SDK1: variants seen among roughly 807,000 people sequenced by gnomAD.
SDK1 encodes protein sidekick-1.
SDK1 carries 157 observed loss-of-function variants against 245.5 expected under a neutral mutation model. That is an observed-to-expected ratio of 0.64 (90% confidence interval 0.56 to 0.73). The LOEUF is 0.73. Among genes scored for constraint, SDK1 ranks in the 30% least tolerant of loss-of-function variants. The probability of loss-of-function intolerance (pLI) is 0.00; values close to 1 mark genes in which losing one functional copy is unlikely to be tolerated. For synonymous variants in SDK1, 1,647 were observed against 1,278.5 expected, an observed-to-expected ratio of 1.29 and a Z score of -6.15; for missense variants, 3,583 against 3,002.3, an observed-to-expected ratio of 1.19 and a Z score of -4.52.
At chr7:3,414,858 C>A (rs902158886) in intron 1 of SDK1, among the ~76,000 whole-genome samples, 2 of 152,134 alleles carry the variant, frequency 1.3e-5, no homozygotes, top group African/African-American at 4.8e-5. Flanking sequence ...TCTTCTTTCA[C>A]TTAAAATAAC....
At chr7:4,198,824 T>G (rs1054958751) in intron 35 of SDK1, among the ~76,000 whole-genome samples, 1 of 151,694 alleles carries the variant, frequency 6.6e-6, no homozygotes, top group African/African-American at 2.4e-5. Flanking sequence ...TTTTTTTTTT[T>G]TTCCTTTGAG....
chr7:3,894,234 A>C (rs966229319), intron 5 of SDK1, among the ~76,000 whole-genome samples: 18 of 152,190 alleles, frequency 1.2e-4, no homozygotes, highest in African/African-American at 4.3e-4. Flanking sequence ...ACAAAATTTA[A>C]TTTACTTCTC....
At chr7:3,665,738 C>A (rs968490561) in intron 4 of SDK1, among the ~76,000 whole-genome samples, 6 of 152,164 alleles carry the variant, frequency 3.9e-5, no homozygotes, top group African/African-American at 1.4e-4. Flanking sequence ...ATCCTGCTGC[C>A]ATCTGCAGTC....
intron 4 of SDK1, among the ~76,000 whole-genome samples, chr7:3,730,586 C>A (rs951857925): frequency 5.9e-5 from 9 of 152,084 alleles, no homozygotes; most frequent in Admixed American, 2.0e-4. Context: ...GGCAGCAGGA[C>A]TGAGAGGATG....
intron 1 of SDK1, among the ~76,000 whole-genome samples, chr7:3,608,144 C>T (rs960833076): frequency 6.6e-6 from 1 of 152,176 alleles, no homozygotes; most frequent in Admixed American, 6.5e-5. Flanking sequence ...GAGTAAAAAC[C>T]AAAATCTAGC....
intron 19 of SDK1, among the ~76,000 whole-genome samples, chr7:4,063,163 G>C (rs6970189): frequency 0.25 from 38,146 of 152,084 alleles, 7,189 homozygotes; most frequent in African/African-American, 0.54. Context: ...AAGTCAGATT[G>C]TTCTCTTTGC....
chr7:3,342,547 C>G (rs766920017), intron 1 of SDK1, among the ~76,000 whole-genome samples: 1 of 151,834 alleles, frequency 6.6e-6, no homozygotes, highest in Non-Finnish European at 1.5e-5. Flanking sequence ...GAGATCGCAT[C>G]GTTGCACTCC....
At chr7:3,453,139 G>A (rs991292852) in intron 1 of SDK1, among the ~76,000 whole-genome samples, 1 of 151,842 alleles carries the variant, frequency 6.6e-6, no homozygotes, top group South Asian at 2.1e-4. Context: ...AACCCCCCCC[G>A]GTTTTCCAAC....
intron 1 of SDK1, among the ~76,000 whole-genome samples, chr7:3,449,413 A>G (rs753781761): frequency 2.0e-5 from 3 of 151,304 alleles, no homozygotes; most frequent in Non-Finnish European, 2.9e-5. Flanking sequence ...TTTAGCTGCC[A>G]TTATACAAAT....
rs542649742 is a variant in SDK1, at chr7:3,988,534, G to A, written c.2131+1212G>A. ...ATAGAAGCCAAATGCCTCGCTCCCT[G>A]TGCAGCCTCGGGTCACCCTGGGCTA... On this transcript the variant is annotated intron_variant, in intron 14 of 44. Transcript: ENST00000404826. 3.3e-5 allele frequency among the ~76,000 whole-genome samples: 5 copies of A among 152,228 alleles called. No homozygotes were observed. The South Asian group carries it at 6.2e-4, about 19-fold the overall frequency.
In SDK1 at chr7:3,727,580, T is replaced by C. The variant is rs540755594; in HGVS notation, c.713+85475T>C. ...ATCTTGGCTCATGGCAACCTCCACC[T>C]CCTGGGTTCAAGCAATTCTCCAGCC... On this transcript the variant is annotated intron_variant, in intron 4 of 44. Transcript: ENST00000404826. 2.0e-5 allele frequency among the ~76,000 whole-genome samples: 3 copies of C among 152,224 alleles called. No homozygotes were observed. In the East Asian group the frequency reaches 5.8e-4, roughly 30 times the overall value.
Position 3,766,568 on chromosome 7 carries a change from G to A in SDK1, c.714-54882G>A, listed in dbSNP as rs866892980. ...TAGTTATTAGAGGGAATAATATAAC[G>A]TGAGATACTTAGAGCAGTACTTTTA... is the stretch of plus-strand genomic sequence containing the variant. On this transcript the variant is annotated intron_variant, in intron 4 of 44. Transcript: ENST00000404826. Among the ~76,000 whole-genome samples the A allele has an allele frequency of 2.5e-4, 38 of 152,262 alleles. 1 individual carries two copies. The highest frequency in any genetic ancestry group is 4.6e-4 in the Admixed American group (7 of 15,298).
chr7:4,260,250 G>C (rs1583194271), intron 44 of SDK1, among the ~76,000 whole-genome samples: 1 of 145,696 alleles, frequency 6.9e-6, no homozygotes, highest in African/African-American at 2.6e-5. Flanking sequence ...ATCGTCACCT[G>C]ATGGAGAAGC....
chr7:3,665,980 C>T (rs763369969), intron 4 of SDK1, among the ~76,000 whole-genome samples: 1 of 152,114 alleles, frequency 6.6e-6, no homozygotes, highest in Non-Finnish European at 1.5e-5. Flanking sequence ...ACTTCCTATT[C>T]CAATTAGTCA....
At chr7:4,032,420 A>G (rs1787886558) in intron 17 of SDK1, among the ~76,000 whole-genome samples, 1 of 152,224 alleles carries the variant, frequency 6.6e-6, no homozygotes, top group Admixed American at 6.5e-5. Context: ...CCCTACAGGC[A>G]TTCCTGCTGA....
chr7:3,646,155 C>G (rs188897543), intron 4 of SDK1, among the ~76,000 whole-genome samples: 1 of 152,110 alleles, frequency 6.6e-6, no homozygotes, highest in Non-Finnish European at 1.5e-5. Context: ...CCACACCCAG[C>G]CTTTCTGCAC....
At chr7:4,241,733 G>A (rs1786531570) in intron 42 of SDK1, 60 bp from the exon 43 acceptor site, 4 of 1,606,004 alleles carry the variant, frequency 2.5e-6, no homozygotes, top group Non-Finnish European at 3.4e-6. Context: ...CTCTGGCTTG[G>A]CGTGGCTGCG....
intron 4 of SDK1, among the ~76,000 whole-genome samples, chr7:3,789,040 T>G (rs1166678673): frequency 3.3e-5 from 5 of 152,250 alleles, no homozygotes; most frequent in Non-Finnish European, 7.3e-5. Flanking sequence ...GGAGCAGAGC[T>G]TGACCATATA....
chr7:3,975,269 G>A (rs1782826254), intron 13 of SDK1, among the ~76,000 whole-genome samples: 1 of 152,122 alleles, frequency 6.6e-6, no homozygotes, highest in Non-Finnish European at 1.5e-5. Context: ...GTGAGTGCAT[G>A]AGTACAAAAA....
Sources: allele counts gnomAD v4.1 joint callset (sites outside exome capture counted in the v4.1 genomes callset), GRCh38; gene constraint gnomAD v4.1.1; transcripts MANE v1.5; gene names NCBI Gene and HGNC (gene_info 2026-07-23, HGNC 2026-07-21).